The following DENND1B variants were observed in gnomAD, a reference collection of about 807,000 sequenced individuals.
The protein encoded by DENND1B is DENN domain containing 1B.
A neutral mutation model predicts 90.1 loss-of-function variants in DENND1B; 59 were observed. The observed-to-expected ratio is 0.65, with a 90% CI of 0.53 to 0.81. The LOEUF (loss-of-function observed/expected upper bound fraction) is 0.81. Ranked by LOEUF, DENND1B falls within the 40% of genes least tolerant of loss-of-function variation. The probability of loss-of-function intolerance (pLI) is 0.00; values close to 1 mark genes in which losing one functional copy is unlikely to be tolerated. For synonymous variants in DENND1B, 337 were observed against 324.6 expected, an observed-to-expected ratio of 1.04 and a Z score of -0.41; for missense variants, 862 against 912.6, an observed-to-expected ratio of 0.94 and a Z score of 0.71.
chr1:197,690,253 A>G, intron 3 of DENND1B: 1 of 266,810 alleles, frequency 3.7e-6, no homozygotes, highest in Admixed American at 4.0e-5. Flanking sequence ...AGCAAAAATG[A>G]CTCACCAATG....
intron 8 of DENND1B, among the ~76,000 whole-genome samples, chr1:197,646,429 T>G (rs927710046): frequency 1.7e-4 from 26 of 151,976 alleles, no homozygotes; most frequent in African/African-American, 5.5e-4. Context: ...AAGAATACAT[T>G]GTGTATATAT....
At chr1:197,609,481 G>C (rs1178214969) in intron 12 of DENND1B, among the ~76,000 whole-genome samples, 1 of 150,492 alleles carries the variant, frequency 6.6e-6, no homozygotes, top group Non-Finnish European at 1.5e-5. Context: ...TCTGCCTTGA[G>C]TTCATCCCCA....
intron 10 of DENND1B, among the ~76,000 whole-genome samples, chr1:197,629,054 T>C (rs955557771): frequency 1.2e-4 from 18 of 152,032 alleles, no homozygotes; most frequent in Admixed American, 1.0e-3. Context: ...TGTGGAGAAA[T>C]AGGTACACTT....
chr1:197,546,668 CT>C, intron 17 of DENND1B, 64 bp downstream of exon 17: 2 of 1,363,644 alleles, frequency 1.5e-6, no homozygotes, highest in Non-Finnish European at 2.0e-6. Context: ...AAACAGCATA[CT>C]TTTGCTGAAC....
At position 197,504,838 on chromosome 1, in the gene DENND1B, T is replaced by A. The variant is rs1667656282; in HGVS notation, c.*5622A>T. On this transcript the variant is annotated 3_prime_UTR_variant, in exon 23 of 23. Coordinates refer to ENST00000620048, the MANE Select transcript of DENND1B (RefSeq NM_001195215.2). ...TTCAATATTTATTTTTGCATATTTT[T>A]AAAAAAATTCCCAAAGCGATGCTTT... 1 of 151,878 alleles carries A rather than the reference T, an allele frequency of 6.6e-6. No homozygotes were observed. The highest frequency in any genetic ancestry group is 6.6e-5 in the Admixed American group (1 of 15,206). The allele number at this position is 151,878 out of a possible 1,614,324, so 9.4% of individuals were successfully genotyped here. A position where few individuals can be genotyped will look rare whatever the true frequency, so the allele number is the denominator to read the frequency against.
intron 17 of DENND1B, 139 bp from the exon 18 acceptor site, chr1:197,546,129 AGT>A: frequency 4.0e-3 from 1 of 252 alleles, no homozygotes; most frequent in Non-Finnish European, 7.6e-3. Flanking sequence ...TTTCATGTTC[AGT>A]GTTCAGTGTT....
At chr1:197,555,168 A>G (rs905122394) in intron 15 of DENND1B, among the ~76,000 whole-genome samples, 12 of 152,076 alleles carry the variant, frequency 7.9e-5, no homozygotes, top group African/African-American at 2.9e-4. Flanking sequence ...CTCAAGATAT[A>G]TTAAAAAAAA....
chr1:197,715,137 T>C, intron 2 of DENND1B, 63 bp from the exon 3 acceptor site: 2 of 1,386,932 alleles, frequency 1.4e-6, no homozygotes, highest in South Asian at 1.3e-5. Flanking sequence ...GGAACAGTCT[T>C]GGTTAAACAC....
intron 12 of DENND1B, among the ~76,000 whole-genome samples, chr1:197,607,509 T>C (rs1418333148): frequency 6.6e-6 from 1 of 150,874 alleles, no homozygotes; most frequent in African/African-American, 2.4e-5. Flanking sequence ...TTCAGTCCCA[T>C]GAAACAAGAA....
chr1:197,555,716 C>T (rs559955687), intron 15 of DENND1B, among the ~76,000 whole-genome samples: 1 of 151,940 alleles, frequency 6.6e-6, no homozygotes, highest in East Asian at 1.9e-4. Context: ...CAGATGTTAA[C>T]GAATTTGTGG....
intron 20 of DENND1B, among the ~76,000 whole-genome samples, chr1:197,531,404 TC>T (rs1295243118): frequency 0.013 from 46 of 3,640 alleles, 1 homozygote; most frequent in African/African-American, 0.013. Flanking sequence ...TTTTTTTTTT[TC>T]TTTTTTTTTT....
At chr1:197,673,909 A>C (rs1162823829) in intron 4 of DENND1B, among the ~76,000 whole-genome samples, 1 of 152,170 alleles carries the variant, frequency 6.6e-6, no homozygotes, top group South Asian at 2.1e-4. Flanking sequence ...AACTTGTCTT[A>C]ACTGGTCATA....
intron 20 of DENND1B, among the ~76,000 whole-genome samples, chr1:197,514,742 T>C (rs1480828761): frequency 6.6e-6 from 1 of 151,474 alleles, no homozygotes; most frequent in African/African-American, 2.4e-5. Flanking sequence ...AATGGCCCCA[T>C]CTGTTACCAG....
intron 2 of DENND1B, chr1:197,747,369 G>C (rs1183402920): frequency 3.8e-6 from 2 of 525,612 alleles, no homozygotes; most frequent in Non-Finnish European, 7.1e-6. Context: ...GTTAAGTCCA[G>C]AGTTCTGCAA....
intron 15 of DENND1B, among the ~76,000 whole-genome samples, chr1:197,565,126 C>T (rs957432829): frequency 5.9e-5 from 9 of 152,070 alleles, no homozygotes; most frequent in African/African-American, 2.2e-4. Context: ...AATACAAGTG[C>T]TGACATTAGC....
At chr1:197,638,931 T>C (rs918105837) in intron 10 of DENND1B, among the ~76,000 whole-genome samples, 10 of 152,038 alleles carry the variant, frequency 6.6e-5, no homozygotes, top group Admixed American at 3.9e-4. Context: ...AATATAATAA[T>C]AGGTACTAAC....
intron 2 of DENND1B, among the ~76,000 whole-genome samples, chr1:197,756,232 A>C (rs1323993076): frequency 6.6e-6 from 1 of 152,182 alleles, no homozygotes; most frequent in African/African-American, 2.4e-5. Context: ...ATTTTAGCCT[A>C]CCAGGCCAGA....
chr1:197,609,254 C>G (rs1212018723), intron 12 of DENND1B, among the ~76,000 whole-genome samples: 1 of 150,642 alleles, frequency 6.6e-6, no homozygotes, highest in African/African-American at 2.4e-5. Flanking sequence ...TTAGTGAAGT[C>G]TTTCTCACAC....
intron 10 of DENND1B, among the ~76,000 whole-genome samples, chr1:197,624,693 A>T (rs748095727): frequency 7.9e-5 from 12 of 151,924 alleles, no homozygotes; most frequent in Non-Finnish European, 1.3e-4. Context: ...TTGAGAGAAG[A>T]AGGCTTCAGA....
Sources: allele counts gnomAD v4.1 joint callset (sites outside exome capture counted in the v4.1 genomes callset), GRCh38; gene constraint gnomAD v4.1.1; transcripts MANE v1.5; gene names NCBI Gene and HGNC (gene_info 2026-07-23, HGNC 2026-07-21).